ANKS1B: variants seen among roughly 807,000 people sequenced by gnomAD.
The protein encoded by ANKS1B is ankyrin repeat and sterile alpha motif domain containing 1B.
Under a neutral mutation model 148.3 loss-of-function variants are expected in ANKS1B, and 36 were observed. The observed-to-expected ratio is 0.24, with a 90% confidence interval of 0.19 to 0.32. The LOEUF (loss-of-function observed/expected upper bound fraction) is 0.32. Ranked by LOEUF, ANKS1B falls within the 10% of genes least tolerant of loss-of-function variation. ANKS1B has a pLI of 1.00. For missense variants in ANKS1B, 1,157 were observed against 1,542.6 expected, an observed-to-expected ratio of 0.75 and a Z score of 4.19; for synonymous variants, 542 against 560.8, an observed-to-expected ratio of 0.97 and a Z score of 0.47.
chr12:99,854,556 A>G (rs2088642921), intron 1 of ANKS1B, among the ~76,000 whole-genome samples: 1 of 152,206 alleles, frequency 6.6e-6, no homozygotes, highest in Non-Finnish European at 1.5e-5. Flanking sequence ...AACACCTGGG[A>G]AATTCATCGC....
intron 12 of ANKS1B, among the ~76,000 whole-genome samples, chr12:99,352,442 A>G (rs2091524618): frequency 6.6e-6 from 1 of 150,542 alleles, no homozygotes; most frequent in Non-Finnish European, 1.5e-5. Flanking sequence ...GCTTGCTCAG[A>G]CAGAGAAACA....
At chr12:99,561,678 A>G (rs567516313) in intron 9 of ANKS1B, among the ~76,000 whole-genome samples, 1 of 152,240 alleles carries the variant, frequency 6.6e-6, no homozygotes, top group Non-Finnish European at 1.5e-5. Context: ...ATTGCAGCCA[A>G]TCAGTCCCAT....
intron 1 of ANKS1B, among the ~76,000 whole-genome samples, chr12:99,864,916 C>G (rs2090530971): frequency 6.6e-6 from 1 of 152,232 alleles, no homozygotes; most frequent in African/African-American, 2.4e-5. Context: ...ACAATTGCAG[C>G]TTTCCTCTAC....
intron 8 of ANKS1B, among the ~76,000 whole-genome samples, chr12:99,697,760 AAT>A (rs1447137562): frequency 6.6e-6 from 1 of 152,166 alleles, no homozygotes; most frequent in East Asian, 1.9e-4. Flanking sequence ...ATAATGTATC[AAT>A]ATCAGTTGAA....
intron 17 of ANKS1B, among the ~76,000 whole-genome samples, chr12:98,920,105 C>T (rs1437626355): frequency 2.0e-5 from 3 of 152,230 alleles, no homozygotes; most frequent in African/African-American, 7.2e-5. Flanking sequence ...GGGAGAAAAT[C>T]TAGCTTCTGG....
chr12:99,456,561 T>C (rs2095850295), intron 10 of ANKS1B, among the ~76,000 whole-genome samples: 1 of 151,638 alleles, frequency 6.6e-6, no homozygotes, highest in Admixed American at 6.6e-5. Flanking sequence ...TCCAGTGAAA[T>C]AGATAGCATA....
intron 16 of ANKS1B, among the ~76,000 whole-genome samples, chr12:99,084,394 C>T (rs558705455): frequency 5.9e-5 from 9 of 152,270 alleles, no homozygotes; most frequent in South Asian, 2.1e-4. Context: ...TGGTGGCCAG[C>T]AGTGTTTTCT....
chr12:99,336,144 C>G (rs543128140), intron 12 of ANKS1B, among the ~76,000 whole-genome samples: 3 of 152,130 alleles, frequency 2.0e-5, no homozygotes, highest in African/African-American at 7.2e-5. Context: ...TTTTCTTATA[C>G]CTCTCTGCCA....
At chr12:99,932,927 T>C (rs2094660534) in intron 1 of ANKS1B, among the ~76,000 whole-genome samples, 1 of 152,152 alleles carries the variant, frequency 6.6e-6, no homozygotes, top group Non-Finnish European at 1.5e-5. Flanking sequence ...TCCATTCTGA[T>C]TTGATTTTTT....
chr12:99,155,045 A>G (rs1316997435), intron 14 of ANKS1B: 2 of 1,535,072 alleles, frequency 1.3e-6, no homozygotes, highest in Admixed American at 2.0e-5. Flanking sequence ...AAAGCAAACC[A>G]AAGTGCTTAA....
At chr12:99,374,568 T>C (rs532308174) in intron 12 of ANKS1B, among the ~76,000 whole-genome samples, 2 of 152,354 alleles carry the variant, frequency 1.3e-5, no homozygotes, top group South Asian at 4.1e-4. Context: ...ATCTTAAATG[T>C]ATGTATAGTT....
intron 14 of ANKS1B, among the ~76,000 whole-genome samples, chr12:99,162,895 T>C (rs2076812817): frequency 6.6e-6 from 1 of 152,082 alleles, no homozygotes; most frequent in African/African-American, 2.4e-5. Flanking sequence ...TCGTCTCTAC[T>C]ACAAATACAA....
chr12:99,819,274 T>G (rs2082224024), intron 2 of ANKS1B, among the ~76,000 whole-genome samples: 1 of 151,890 alleles, frequency 6.6e-6, no homozygotes, highest in Non-Finnish European at 1.5e-5. Flanking sequence ...CATAGATTTC[T>G]AGATTACAGA....
intron 16 of ANKS1B, among the ~76,000 whole-genome samples, chr12:99,054,455 C>G (rs1047289070): frequency 2.6e-5 from 4 of 152,116 alleles, no homozygotes; most frequent in African/African-American, 7.2e-5. Flanking sequence ...TCTCCCTACT[C>G]CTTCATTTTA....
intron 17 of ANKS1B, among the ~76,000 whole-genome samples, chr12:98,985,813 T>C (rs2099922989): frequency 6.6e-6 from 1 of 152,196 alleles, no homozygotes; most frequent in African/African-American, 2.4e-5. Context: ...ATCTACACTT[T>C]TAACATTTCC....
At position 99,318,556 on chromosome 12, in the gene ANKS1B, T is replaced by G. The variant is rs1046779375; in HGVS notation, c.1757-71692A>C. 2.6e-5 allele frequency among the ~76,000 whole-genome samples: 4 copies of G among 152,324 alleles called. No homozygotes were observed. The East Asian group carries it at 5.8e-4, about 22-fold the overall frequency. ...TTTTATTGTGTCTATTTGATTCTTC[T>G]CTCTTTTCTCCATTATTAGTCTTGC... On this transcript the variant is annotated intron_variant, in intron 12 of 26. Transcript: ENST00000683438.
chr12:99,659,666 G>C (rs1444867902), intron 8 of ANKS1B, among the ~76,000 whole-genome samples: 2 of 118,488 alleles, frequency 1.7e-5, no homozygotes, highest in Non-Finnish European at 3.5e-5. Flanking sequence ...GTGTGTGCAT[G>C]TGTGTATGTG....
chr12:99,653,915 C>A (rs2098437686), intron 9 of ANKS1B, among the ~76,000 whole-genome samples: 1 of 152,048 alleles, frequency 6.6e-6, no homozygotes, highest in Admixed American at 6.6e-5. Flanking sequence ...CCACCCTCCT[C>A]GGCCTCCCAC....
chr12:99,295,204 G>C (rs2080697631), intron 12 of ANKS1B, among the ~76,000 whole-genome samples: 1 of 152,196 alleles, frequency 6.6e-6, no homozygotes, highest in Non-Finnish European at 1.5e-5. Context: ...ATGTATGAGA[G>C]TTCCAGTTAC....
Sources: gnomAD v4.1 joint callset for allele counts (sites outside exome capture counted in the v4.1 genomes callset) on GRCh38, gnomAD v4.1.1 for gene constraint, MANE v1.5 for transcripts, NCBI Gene and HGNC (gene_info 2026-07-23, HGNC 2026-07-21) for gene names.